CLOCK: variants seen among roughly 807,000 people sequenced by gnomAD.
CLOCK encodes the protein circadian locomoter output cycles protein kaput.
Under a neutral mutation model 118.4 loss-of-function variants are expected in CLOCK, and 43 were observed. That is an observed-to-expected ratio of 0.36 (90% confidence interval 0.28 to 0.47). CLOCK has a LOEUF of 0.47. CLOCK is among the 20% of genes least tolerant of loss of function. The pLI is 1.00. For synonymous variants in CLOCK, 326 were observed against 339.2 expected (o/e 0.96, Z 0.43); for missense variants, 846 against 999.9 (o/e 0.85, Z 2.08).
chr4:55,544,289 C>T (rs1284952778), intron 1 of CLOCK, among the ~76,000 whole-genome samples: 2 of 151,880 alleles, frequency 1.3e-5, no homozygotes, highest in African/African-American at 4.8e-5. Context: ...CCTAGACAAT[C>T]AAGTTTACTA....
At chr4:55,483,256 C>T (rs957633723) in intron 3 of CLOCK, among the ~76,000 whole-genome samples, 1 of 151,982 alleles carries the variant, frequency 6.6e-6, no homozygotes, top group Non-Finnish European at 1.5e-5. Context: ...GAAAAATTTG[C>T]AATTGAGCAG....
chr4:55,540,266 C>T (rs1028080182), intron 1 of CLOCK, among the ~76,000 whole-genome samples: 3 of 151,880 alleles, frequency 2.0e-5, no homozygotes, highest in South Asian at 2.1e-4. Flanking sequence ...CCTCAGCCTC[C>T]GAAAGTGCTG....
chr4:55,438,157 G>T, intron 22 of CLOCK, 125 bp downstream of exon 22: 4 of 1,247,142 alleles, frequency 3.2e-6, no homozygotes, highest in Non-Finnish European at 4.5e-6. Flanking sequence ...TCTTTGTAGA[G>T]ATTTAAACTG....
At chr4:55,536,039 T>G (rs1299361573) in intron 1 of CLOCK, among the ~76,000 whole-genome samples, 1 of 152,092 alleles carries the variant, frequency 6.6e-6, no homozygotes, top group Admixed American at 6.5e-5. Flanking sequence ...CTAATTCTCC[T>G]AAAAAGTTTC....
At chr4:55,499,075 T>C (rs1728267827) in intron 2 of CLOCK, among the ~76,000 whole-genome samples, 1 of 152,258 alleles carries the variant, frequency 6.6e-6, no homozygotes, top group African/African-American at 2.4e-5. Flanking sequence ...GAACTATTTT[T>C]ACACTCCTTT....
intron 1 of CLOCK, among the ~76,000 whole-genome samples, chr4:55,510,683 A>G (rs1729089871): frequency 6.6e-6 from 1 of 151,816 alleles, no homozygotes; most frequent in Non-Finnish European, 1.5e-5. Flanking sequence ...AATTTAATGC[A>G]AGAATGTGTA....
At chr4:55,512,880 CA>C (rs1398192569) in intron 1 of CLOCK, among the ~76,000 whole-genome samples, 1 of 152,122 alleles carries the variant, frequency 6.6e-6, no homozygotes, top group Non-Finnish European at 1.5e-5. Flanking sequence ...TCATGAATTG[CA>C]TTAACAATGT....
At chr4:55,435,645 C>T in intron 22 of CLOCK, 51 bp from the exon 23 acceptor site, 4 of 1,575,128 alleles carry the variant, frequency 2.5e-6, no homozygotes, top group Non-Finnish European at 3.5e-6. Context: ...TTATGGCACC[C>T]ACATAATAGT....
At position 55,449,461 on chromosome 4, in the gene CLOCK, G is replaced by T. The variant is rs1328418385; in HGVS notation, c.1384C>A (p.Pro462Thr). Residue 462 changes from proline (P) to threonine (T), a missense_variant, in exon 17 of 23, where the codon CCA becomes ACA. Physicochemically the swap from Pro to Thr is conservative, Grantham distance 38 (BLOSUM62 -1). This residue lies in a region of CLOCK where 520 missense variants were observed against 558.0 expected (regional missense o/e 0.93). Coordinates refer to ENST00000513440, the MANE Select transcript of CLOCK (RefSeq NM_004898.4). ...TGAGCTGGTAAATGCTGCCTGGGTGGAGTGCTCGTATCCGTCGGGATCTTG... is the reference window on the plus strand; with the variant it reads ...TGAGCTGGTAAATGCTGCCTGGGTGTAGTGCTCGTATCCGTCGGGATCTTG... Reference protein sequence around the residue: ...PTKIPTDTSTPPRQHLPAHEK... With the variant: ...PTKIPTDTSTTPRQHLPAHEK... 2 of 1,613,994 alleles carry T rather than the reference G, an allele frequency of 1.2e-6. No homozygotes were observed. Among genetic ancestry groups the T allele is most frequent in the Non-Finnish European group, 1.7e-6 (2 of 1,179,936 alleles).
chr4:55,487,009 A>AT (rs1427167469), intron 3 of CLOCK, among the ~76,000 whole-genome samples: 5 of 151,522 alleles, frequency 3.3e-5, no homozygotes, highest in African/African-American at 1.2e-4. Flanking sequence ...TAATTTTCTT[A>AT]TTTTTTCTCT....
rs960178064 is a variant in CLOCK at position 55,434,422 on chromosome 4, C to A, written c.*993G>T. Reference sequence around the variant, plus strand: ...AATTACTTTCAGGCTTGTTGAAAACCATTTACGCAAATATTTCCAACTATG... The same window carrying A: ...AATTACTTTCAGGCTTGTTGAAAACAATTTACGCAAATATTTCCAACTATG... On this transcript the variant is annotated 3_prime_UTR_variant, in exon 23 of 23. Coordinates refer to ENST00000513440, the MANE Select transcript of CLOCK (RefSeq NM_004898.4). 1 of 152,504 alleles carries A rather than the reference C, an allele frequency of 6.6e-6. No homozygotes were observed. Among genetic ancestry groups the A allele is most frequent in the Non-Finnish European group, 1.5e-5 (1 of 68,008 alleles). The allele number at this position is 152,504 out of a possible 1,614,324, so 9.4% of individuals were successfully genotyped here.
chr4:55,434,962 T>G lies in CLOCK; in HGVS notation c.*453A>C. The G allele has an allele frequency of 1.1e-5, 2 of 175,870 alleles. No homozygotes were observed. The highest frequency in any genetic ancestry group is 2.5e-5 in the Non-Finnish European group (2 of 81,566). The allele number at this position is 175,870 out of a possible 1,614,324, so 10.9% of individuals were successfully genotyped here. On this transcript the variant is annotated 3_prime_UTR_variant, in exon 23 of 23. Coordinates refer to ENST00000513440, the MANE Select transcript of CLOCK (RefSeq NM_004898.4). Reference sequence around the variant, plus strand: ...AAGGGAGAGGGGTTGGGGGAGGGGGTCGCTACCAAGTCTACTGGACTGTCT... The same window carrying G: ...AAGGGAGAGGGGTTGGGGGAGGGGGGCGCTACCAAGTCTACTGGACTGTCT...
intron 22 of CLOCK, among the ~76,000 whole-genome samples, chr4:55,436,248 C>T (rs1315792778): frequency 2.0e-5 from 3 of 151,992 alleles, no homozygotes; most frequent in Non-Finnish European, 2.9e-5. Flanking sequence ...GCCTTAGGTC[C>T]GATAAGCAGC....
chr4:55,546,806 C>A lies in CLOCK; in HGVS notation c.-314G>T, dbSNP rs896265453. 1 of 152,368 alleles carries A rather than the reference C, an allele frequency of 6.6e-6. No homozygotes were observed. Among genetic ancestry groups the A allele is most frequent in the Admixed American group, 6.5e-5 (1 of 15,294 alleles). 9.4% of individuals were successfully genotyped at this position (152,368 alleles called of 1,614,324 possible). On this transcript the variant is annotated 5_prime_UTR_variant, in exon 1 of 23. Transcript: ENST00000513440. The stretch of plus-strand genomic sequence containing the variant: ...CCGGGAGCGCTCGCGGCGGCGGCGG[C>A]CAGATTTCCTTCGCGCTCTCGCTCT...
At chr4:55,443,417 G>A (rs1021580789) in intron 20 of CLOCK, among the ~76,000 whole-genome samples, 17 of 147,720 alleles carry the variant, frequency 1.2e-4, no homozygotes, top group African/African-American at 4.2e-4. Context: ...GGAGGTTGCA[G>A]TAATCTAAGG....
Position 55,438,306 on chromosome 4 carries a change from G to C in CLOCK, c.2337C>G (p.Thr779=). ...CCTGTAAAAATTGTTGCGGTGGCTG[G>C]GTCAGCTGAGCCTGAGATGGTTGCT... ...SVQQPSQAQL[T]QPPQQFLQTS... The change falls in exon 22 of 23, where the codon ACC becomes ACG. Residue 779 remains threonine, a synonymous_variant. Coordinates refer to ENST00000513440, the MANE Select transcript of CLOCK (RefSeq NM_004898.4). 1.2e-6 allele frequency: 2 copies of C among 1,614,098 alleles called. No individual in the cohort carries two copies. Among genetic ancestry groups the C allele is most frequent in the South Asian group, 2.2e-5 (2 of 91,082 alleles).
At chr4:55,455,356 A>G (rs1206692734) in intron 13 of CLOCK, among the ~76,000 whole-genome samples, 2 of 152,334 alleles carry the variant, frequency 1.3e-5, no homozygotes, top group African/African-American at 2.4e-5. Context: ...CATGAAGATA[A>G]TAATAGCATC....
intron 9 of CLOCK, among the ~76,000 whole-genome samples, chr4:55,462,844 T>TTGTGTGTGTGTG (rs148360787): frequency 8.6e-4 from 130 of 151,446 alleles, no homozygotes; most frequent in African/African-American, 3.0e-3. Flanking sequence ...ACACACAGAT[T>TTGTGTGTGTGTG]TGTGTGAGTG....
intron 2 of CLOCK, among the ~76,000 whole-genome samples, chr4:55,507,596 A>G (rs1388557712): frequency 1.3e-5 from 2 of 152,166 alleles, no homozygotes; most frequent in Non-Finnish European, 2.9e-5. Flanking sequence ...GTGACAGAGC[A>G]AGATTCTGTC....
Sources: gnomAD v4.1 joint callset for allele counts (sites outside exome capture counted in the v4.1 genomes callset) on GRCh38, gnomAD v4.1.1 for gene constraint, gnomAD v4.1.1 regional missense constraint, MANE v1.5 for transcripts, NCBI Gene and HGNC (gene_info 2026-07-23, HGNC 2026-07-21) for gene names.